Variants in MYT1L observed in about 807,000 individuals in gnomAD.
MYT1L encodes myelin transcription factor 1-like protein.
A neutral mutation model predicts 126.7 loss-of-function variants in MYT1L; 12 were observed. That is an observed-to-expected ratio of 0.09 (90% CI 0.06 to 0.15). The LOEUF is 0.15. Ranked by LOEUF, MYT1L falls within the 10% of genes least tolerant of loss-of-function variation. The probability of loss-of-function intolerance (pLI) is 1.00; values close to 1 mark genes in which losing one functional copy is unlikely to be tolerated. For missense variants in MYT1L, 979 were observed against 1,585.2 expected (o/e 0.62, Z 6.49); for synonymous variants, 541 against 604.2 (o/e 0.90, Z 1.53).
chr2:2,269,469 G>A (rs1349087027), intron 2 of MYT1L, among the ~76,000 whole-genome samples: 2 of 152,302 alleles, frequency 1.3e-5, no homozygotes, highest in East Asian at 3.9e-4. Context: ...AGGAGGTAAC[G>A]GATGTGAGTG....
intron 4 of MYT1L, among the ~76,000 whole-genome samples, chr2:2,000,036 GA>G (rs2062213194): frequency 6.6e-6 from 1 of 152,254 alleles, no homozygotes; most frequent in African/African-American, 2.4e-5. Context: ...ATAATGATGT[GA>G]TGGAGAAGTT....
intron 9 of MYT1L, among the ~76,000 whole-genome samples, chr2:1,934,241 G>A (rs1036034162): frequency 6.7e-6 from 1 of 149,504 alleles, no homozygotes; most frequent in Non-Finnish European, 1.5e-5. Context: ...CCAAAGTGCT[G>A]GGATTACAGG....
At chr2:1,902,747 C>T (rs913230155) in intron 14 of MYT1L, 3 of 315,094 alleles carry the variant, frequency 9.5e-6, no homozygotes, top group Non-Finnish European at 1.8e-5. Context: ...TTAAAGGAAG[C>T]GTATAACATA....
At chr2:2,244,104 C>A (rs887746070) in intron 2 of MYT1L, among the ~76,000 whole-genome samples, 1 of 152,130 alleles carries the variant, frequency 6.6e-6, no homozygotes, top group Non-Finnish European at 1.5e-5. Context: ...ATGTTCACTC[C>A]CATAGGAAAA....
At chr2:1,904,756 C>CA (rs1162637692) in intron 13 of MYT1L, among the ~76,000 whole-genome samples, 1 of 151,832 alleles carries the variant, frequency 6.6e-6, no homozygotes, top group Non-Finnish European at 1.5e-5. Context: ...CTCAGCCTCC[C>CA]AGGCAGCTGG....
chr2:1,967,787 C>T (rs958501302), intron 8 of MYT1L, among the ~76,000 whole-genome samples: 6 of 152,114 alleles, frequency 3.9e-5, no homozygotes, highest in Admixed American at 2.0e-4. Flanking sequence ...GCAGCGAGGC[C>T]GCAGGCCCCG....
intron 2 of MYT1L, among the ~76,000 whole-genome samples, chr2:2,200,544 T>A (rs538696983): frequency 6.6e-6 from 1 of 152,320 alleles, no homozygotes; most frequent in African/African-American, 2.4e-5. Context: ...CCTTTCTATC[T>A]TACTCTCCTG....
At chr2:2,104,898 T>G (rs1394817853) in intron 3 of MYT1L, among the ~76,000 whole-genome samples, 2 of 152,158 alleles carry the variant, frequency 1.3e-5, no homozygotes, top group South Asian at 2.1e-4. Flanking sequence ...GCTGTTACTC[T>G]TCTTTAAGGA....
intron 4 of MYT1L, among the ~76,000 whole-genome samples, chr2:2,000,759 C>T (rs555632816): frequency 1.3e-5 from 2 of 152,162 alleles, no homozygotes; most frequent in Non-Finnish European, 2.9e-5. Flanking sequence ...GGGACCTCCA[C>T]GTAAGGGTTC....
At chr2:1,923,746 G>A (rs865980907) in intron 9 of MYT1L, among the ~76,000 whole-genome samples, 2 of 152,300 alleles carry the variant, frequency 1.3e-5, no homozygotes, top group Admixed American at 6.5e-5. Context: ...TCACAGTGGC[G>A]TGTAGGCAAC....
At chr2:1,908,373 G>A (rs1401317513) in intron 13 of MYT1L, among the ~76,000 whole-genome samples, 4 of 151,730 alleles carry the variant, frequency 2.6e-5, no homozygotes, top group Admixed American at 6.6e-5. Context: ...GTGGGCAGTC[G>A]TAGGTGGTCA....
chr2:2,113,602 G>C (rs186770362), intron 3 of MYT1L, among the ~76,000 whole-genome samples: 23 of 152,306 alleles, frequency 1.5e-4, no homozygotes, highest in Non-Finnish European at 2.4e-4. Flanking sequence ...GCTGAAAACT[G>C]GGCCACTTTT....
intron 4 of MYT1L, among the ~76,000 whole-genome samples, chr2:2,050,269 T>C (rs1436853824): frequency 1.3e-5 from 2 of 152,206 alleles, no homozygotes; most frequent in African/African-American, 4.8e-5. Flanking sequence ...AATATATTTC[T>C]TTCAAAGGGT....
chr2:1,969,577 C>G (rs1270593734), intron 8 of MYT1L, among the ~76,000 whole-genome samples: 2 of 152,200 alleles, frequency 1.3e-5, no homozygotes, highest in Admixed American at 6.5e-5. Flanking sequence ...AACCCCGGCT[C>G]TAGGAAGGCG....
In MYT1L at chr2:1,912,323, T is replaced by C. The variant is rs1033964361; in HGVS notation, c.1619-213A>G. On this transcript the variant is annotated intron_variant, in intron 11 of 24. Transcript: ENST00000647738. This position sits in a 1 kb window ranked among gnomAD's most constrained non-coding sequence, Gnocchi z 4.3. ...TACACGAAAGGCCAGAGAAAGAAGG[T>C]TGACTGGACCCTACAGACCCTACAT... Among the ~76,000 whole-genome samples the C allele has an allele frequency of 6.6e-6, 1 of 151,936 alleles. No individual in the cohort carries two copies. The highest frequency in any genetic ancestry group is 1.9e-4 in the East Asian group (1 of 5,168).
intron 3 of MYT1L, among the ~76,000 whole-genome samples, chr2:2,158,567 T>C (rs888386105): frequency 1.3e-5 from 2 of 152,000 alleles, no homozygotes; most frequent in African/African-American, 4.8e-5. Flanking sequence ...TATCGGCACA[T>C]GGCTCTTTAT....
rs2052170584 is a variant in MYT1L at position 1,912,451 on chromosome 2, C to A, written c.1619-341G>T. On this transcript the variant is annotated intron_variant, in intron 11 of 24. Transcript: ENST00000647738. This position sits in a 1 kb window ranked among gnomAD's most constrained non-coding sequence, Gnocchi z 4.3. ...GGGAGTTCAGAGAACACAGAACTGACTCTTTCCTGATGGGCTAGGGGAGCG... is the reference window on the plus strand; with the variant it reads ...GGGAGTTCAGAGAACACAGAACTGAATCTTTCCTGATGGGCTAGGGGAGCG... 6.6e-6 allele frequency among the ~76,000 whole-genome samples: 1 copy of A among 152,156 alleles called. No homozygotes were observed. The highest frequency in any genetic ancestry group is 2.4e-5 in the African/African-American group (1 of 41,444).
At chr2:1,927,436 G>A (rs947006253) in intron 9 of MYT1L, among the ~76,000 whole-genome samples, 2 of 152,178 alleles carry the variant, frequency 1.3e-5, no homozygotes, top group South Asian at 2.1e-4. Flanking sequence ...CAAAAGAAAC[G>A]TGGTTGCTGT....
chr2:1,866,120 C>T (rs557587106), intron 18 of MYT1L, among the ~76,000 whole-genome samples: 3 of 152,200 alleles, frequency 2.0e-5, no homozygotes, highest in Middle Eastern at 3.4e-3. Context: ...ATCCAGGAGG[C>T]GGCCTGGAGA....
Sources: allele counts gnomAD v4.1 joint callset (sites outside exome capture counted in the v4.1 genomes callset), GRCh38; gene constraint gnomAD v4.1.1; non-coding constraint Gnocchi (gnomAD v3.1); transcripts MANE v1.5; gene names NCBI Gene and HGNC (gene_info 2026-07-23, HGNC 2026-07-21).